Variants in MGAM observed in about 807,000 individuals in gnomAD.
MGAM encodes maltase-glucoamylase.
Under a neutral mutation model 358.8 loss-of-function variants are expected in MGAM, and 253 were observed. That is an observed-to-expected ratio of 0.71 (90% CI 0.64 to 0.78). The LOEUF (loss-of-function observed/expected upper bound fraction) is 0.78. Among genes scored for constraint, MGAM ranks in the 30% least tolerant of loss-of-function variants. The pLI is 0.00. For synonymous variants in MGAM, 1,105 were observed against 1,227.1 expected (o/e 0.90, Z 2.08); for missense variants, 3,080 against 3,432.6 (o/e 0.90, Z 2.57).
In MGAM at chr7:142,038,206, C is replaced by T. The variant is rs181572154; in HGVS notation, c.2232-325C>T. Among the ~76,000 whole-genome samples, 23 of 152,216 alleles carry T rather than the reference C, an allele frequency of 1.5e-4. 1 individual carries two copies. The highest frequency in any genetic ancestry group is 2.6e-4 in the African/African-American group (11 of 41,542). ...TAACGTAATGATCTCCAGTTCCATC[C>T]GTGTTGATGCGAATGTCCGGATCTC... is the stretch of plus-strand genomic sequence containing the variant. On this transcript the variant is annotated intron_variant, in intron 18 of 70. Transcript: ENST00000475668.
rs767860289 is a variant in MGAM, at chr7:142,086,237, A to G, written c.6656A>G (p.Asn2219Ser). ...TTTCAGGATCCAGCCATTTCTGGCAATGAGACACAGCCCTATCCTGCCTTC... is the reference window on the plus strand; with the variant it reads ...TTTCAGGATCCAGCCATTTCTGGCAGTGAGACACAGCCCTATCCTGCCTTC... ...ILILDPAISG[N>S]ETQPYPAFTR... Residue 2219 changes from asparagine to serine, a missense_variant, in exon 56 of 71, where the codon AAT (asparagine) becomes AGT (serine). By Grantham distance (46) the Asn-to-Ser change is conservative. Around this residue, in one of 5 missense-constraint regions of MGAM, gnomAD observed 932 missense variants for 1,198.2 expected, o/e 0.78. Coordinates refer to ENST00000475668, the MANE Select transcript of MGAM (RefSeq NM_001365693.1). 3.2e-6 allele frequency: 5 copies of G among 1,540,138 alleles called. 1 individual carries two copies. Among genetic ancestry groups the G allele is most frequent in the South Asian group, 2.3e-5 (2 of 86,792 alleles).
At chr7:142,062,061 G>C (rs1812256030) in intron 34 of MGAM, among the ~76,000 whole-genome samples, 1 of 152,174 alleles carries the variant, frequency 6.6e-6, no homozygotes, top group Non-Finnish European at 1.5e-5. Context: ...TAGTTGTCAT[G>C]TGATTCTGAA....
chr7:141,990,018 G>A (rs1563091314), intron 2 of MGAM, among the ~76,000 whole-genome samples: 1 of 152,130 alleles, frequency 6.6e-6, no homozygotes, highest in African/African-American at 2.4e-5. Flanking sequence ...GTCACTTCTG[G>A]GCTCAGCATT....
chr7:142,029,169 T>A (rs1554462259), intron 10 of MGAM, among the ~76,000 whole-genome samples: 1 of 151,954 alleles, frequency 6.6e-6, no homozygotes, highest in East Asian at 1.9e-4. Flanking sequence ...GCCAACACAG[T>A]GAAACCCCGT....
rs529913812 is a variant in MGAM at position 142,038,632 on chromosome 7, A to C, written c.2316+17A>C. ...CTGGATGAAGTAAGTGTTCCCACAG[A>C]GATACACTAGAGATCTCTGCATCTG... On this transcript the variant is annotated intron_variant, in intron 19 of 70. Coordinates refer to ENST00000475668, the MANE Select transcript of MGAM (RefSeq NM_001365693.1). 79 of 1,576,242 alleles carry C rather than the reference A, an allele frequency of 5.0e-5. No individual in the cohort carries two copies. In the Admixed American group the frequency reaches 1.0e-3, roughly 20 times the overall value.
intron 21 of MGAM, among the ~76,000 whole-genome samples, chr7:142,041,660 A>T (rs538466908): frequency 6.6e-6 from 1 of 151,262 alleles, no homozygotes; most frequent in Admixed American, 6.7e-5. Flanking sequence ...GTACATACAG[A>T]CCAGTCATGC....
At chr7:141,987,486 C>T (rs144522065) in intron 2 of MGAM, among the ~76,000 whole-genome samples, 38 of 152,242 alleles carry the variant, frequency 2.5e-4, no homozygotes, top group Non-Finnish European at 4.9e-4. Flanking sequence ...TCCATCTGGA[C>T]GAAGTCGGAT....
chr7:142,003,234 G>A (rs1554451249), intron 1 of MGAM, among the ~76,000 whole-genome samples: 1 of 151,984 alleles, frequency 6.6e-6, no homozygotes, highest in Non-Finnish European at 1.5e-5. Context: ...AATTCATATG[G>A]AACCCTGAAA....
At chr7:142,034,522 G>C in intron 15 of MGAM, 143 bp downstream of exon 15, 1 of 959,668 alleles carries the variant, frequency 1.0e-6, no homozygotes, top group Non-Finnish European at 1.5e-6. Flanking sequence ...GATACAGAAT[G>C]CTCCCAACAG....
chr7:142,094,145 T>G lies in MGAM; in HGVS notation c.7173-219T>G, dbSNP rs1435561289. 1.4e-5 allele frequency among the ~76,000 whole-genome samples: 2 copies of G among 145,614 alleles called. 1 individual carries two copies. ...ACTATTTTTGGGGCACTCCAGTGAGTTTGCTACAGTGAAGTTCTTTGTAAA... is the reference window on the plus strand; with the variant it reads ...ACTATTTTTGGGGCACTCCAGTGAGGTTGCTACAGTGAAGTTCTTTGTAAA... On this transcript the variant is annotated intron_variant, in intron 60 of 70. Transcript: ENST00000475668.
intron 22 of MGAM, among the ~76,000 whole-genome samples, 197 bp downstream of exon 22, chr7:142,048,070 A>G (rs1199118074): frequency 1.3e-5 from 2 of 152,068 alleles, no homozygotes; most frequent in Non-Finnish European, 2.9e-5. Flanking sequence ...ATACATTTCT[A>G]TCTCTGGCAA....
At chr7:142,022,186 A>C in intron 6 of MGAM, 82 bp from the exon 7 acceptor site, 1 of 1,312,326 alleles carries the variant, frequency 7.6e-7, no homozygotes, top group Non-Finnish European at 1.0e-6. Context: ...AGTCACTGAG[A>C]TATAAAGGAC....
chr7:142,065,184 T>C, intron 37 of MGAM, 151 bp from the exon 38 acceptor site: 1 of 1,070,922 alleles, frequency 9.3e-7, no homozygotes, highest in Non-Finnish European at 1.3e-6. Flanking sequence ...TCATCTGGGA[T>C]CAGTGGAACT....
chr7:142,034,741 A>G lies in MGAM; in HGVS notation c.1859A>G (p.Lys620Arg). ...CGTTCTACCTTTGCGGGCTCTGGCA[A>G]GTTTGCAGCACATTGGTTAGGAGAC... ...LTRSTFAGSGKFAAHWLGDNT... is the reference protein window; with the variant it reads ...LTRSTFAGSGRFAAHWLGDNT... The change falls in exon 16 of 71, where the codon AAG (lysine) becomes AGG (arginine). Residue 620 changes from lysine to arginine, a missense_variant. This residue lies in a region of MGAM where 1,816 missense variants were observed against 1,840.5 expected (regional missense o/e 0.99). Coordinates refer to ENST00000475668, the MANE Select transcript of MGAM (RefSeq NM_001365693.1). The G allele has an allele frequency of 6.2e-7, 1 of 1,613,626 alleles. No individual in the cohort carries two copies. Among genetic ancestry groups the G allele is most frequent in the South Asian group, 1.1e-5 (1 of 91,062 alleles).
At chr7:142,043,484 AAATAT>A (rs1401297864) in intron 21 of MGAM, among the ~76,000 whole-genome samples, 1 of 77,990 alleles carries the variant, frequency 1.3e-5, no homozygotes, top group Non-Finnish European at 2.2e-5. Flanking sequence ...TATAATATCT[AAATAT>A]AATATATATA....
chr7:142,052,229 A>G lies in MGAM; in HGVS notation c.2806-65A>G, dbSNP rs930816093. The G allele has an allele frequency of 2.9e-6, 4 of 1,373,058 alleles. No homozygotes were observed. The African/African-American group carries it at 5.9e-5, about 20-fold the overall frequency. 85.1% of individuals were successfully genotyped at this position (1,373,058 alleles called of 1,614,324 possible). A position where few individuals can be genotyped will look rare whatever the true frequency, so the allele number is the denominator to read the frequency against. On this transcript the variant is annotated intron_variant, in intron 24 of 70. Coordinates refer to ENST00000475668, the MANE Select transcript of MGAM (RefSeq NM_001365693.1). ...CTATTTTTTTTTTATCGAAAAAAAA[A>G]CCTCAGGTCTTGCAAAGCCTGTCTC...
At chr7:142,075,155 T>C (rs756977648) in intron 45 of MGAM, among the ~76,000 whole-genome samples, 1 of 146,596 alleles carries the variant, frequency 6.8e-6, no homozygotes, top group Non-Finnish European at 1.5e-5. Flanking sequence ...AAGTCATTCA[T>C]GCTGTTGCGA....
chr7:142,023,490 G>T (rs782110238), intron 7 of MGAM, among the ~76,000 whole-genome samples: 1 of 151,524 alleles, frequency 6.6e-6, no homozygotes, highest in Non-Finnish European at 1.5e-5. Context: ...TATCTATTTA[G>T]CCATAGAGTC....
In MGAM at chr7:142,083,257, C is replaced by T. The variant is rs75922815; in HGVS notation, c.6269-44C>T. 1.2e-4 allele frequency: 164 copies of T among 1,387,832 alleles called. 15 individuals are homozygous for T. Among genetic ancestry groups the T allele is most frequent in the Middle Eastern group, 7.1e-4 (3 of 4,210 alleles). 86.0% of individuals were successfully genotyped at this position (1,387,832 alleles called of 1,614,324 possible). On this transcript the variant is annotated intron_variant, in intron 52 of 70. Coordinates refer to ENST00000475668, the MANE Select transcript of MGAM (RefSeq NM_001365693.1). ...TGTGGATTTCAGGGGTGATTCATGA[C>T]GTGGAAAGTTTCCAGCTTGATTAGC...
Sources: allele counts gnomAD v4.1 joint callset (sites outside exome capture counted in the v4.1 genomes callset), GRCh38; gene constraint gnomAD v4.1.1; regional missense constraint gnomAD v4.1.1; transcripts MANE v1.5; gene names NCBI Gene and HGNC (gene_info 2026-07-23, HGNC 2026-07-21).